NDUFAF7: variants seen among roughly 807,000 people sequenced by gnomAD.
The protein encoded by NDUFAF7 is protein arginine methyltransferase NDUFAF7, mitochondrial.
NDUFAF7 carries 48 observed loss-of-function variants against 47.2 expected under a neutral mutation model. The ratio of observed to expected loss-of-function variants is 1.02; its 90% confidence interval spans 0.81 to 1.29. The LOEUF (loss-of-function observed/expected upper bound fraction) is 1.29. NDUFAF7 is among the 50% of genes most tolerant of loss of function. NDUFAF7 has a pLI of 0.00. For missense variants in NDUFAF7, 635 were observed against 537.6 expected (o/e 1.18, Z -1.79); for synonymous variants, 217 against 190.0 (o/e 1.14, Z -1.17).
chr2:37,268,477 C>A, the NDUFAF7 span: 1 of 383,018 alleles, frequency 2.6e-6, no homozygotes, highest in South Asian at 2.0e-5. Context: ...CAAAGAAGAT[C>A]CAGACATCTC....
chr2:37,255,060 C>G (rs1667824121), downstream of NDUFAF7, among the ~76,000 whole-genome samples: 1 of 152,188 alleles, frequency 6.6e-6, no homozygotes, highest in Non-Finnish European at 1.5e-5. Flanking sequence ...TTGTACCATC[C>G]TAGTTCTATT....
chr2:37,260,865 G>A, the NDUFAF7 span, among the ~76,000 whole-genome samples: 6 of 151,702 alleles, frequency 4.0e-5, no homozygotes, highest in African/African-American at 1.5e-4. Context: ...CCTTTTTTTA[G>A]GCTCAACATC....
rs1450281013 is a variant in NDUFAF7, at chr2:37,247,682, ATTACT to A, written c.1110+57_1110+61del. The A allele has an allele frequency of 5.0e-6, 8 of 1,589,332 alleles. No individual in the cohort carries two copies. In the African/African-American group the frequency reaches 6.7e-5, roughly 13 times the overall value. On this transcript the variant is annotated intron_variant, in intron 9 of 9. Coordinates refer to ENST00000002125, the MANE Select transcript of NDUFAF7 (RefSeq NM_144736.5). ...TAAGTACTTTCATAGTATTTCAAAA[ATTACT>A]TTAAATAGTATGTTCACCTGGCCTT... is the stretch of plus-strand genomic sequence containing the variant.
chr2:37,258,141 A>G (rs1219871042), downstream of NDUFAF7, among the ~76,000 whole-genome samples: 1 of 152,226 alleles, frequency 6.6e-6, no homozygotes, highest in Non-Finnish European at 1.5e-5. Flanking sequence ...AAGCATTAAT[A>G]TAAATTGAGA....
At chr2:37,264,024 C>G in the NDUFAF7 span, among the ~76,000 whole-genome samples, 1 of 152,154 alleles carries the variant, frequency 6.6e-6, no homozygotes, top group Admixed American at 6.6e-5. Flanking sequence ...TTTTCTCCCA[C>G]TACTCTACTA....
chr2:37,242,600 G>T (rs1666468389), intron 5 of NDUFAF7, 35 bp from the exon 6 acceptor site: 3 of 1,493,674 alleles, frequency 2.0e-6, no homozygotes, highest in Non-Finnish European at 2.8e-6. Context: ...CCTGTGAAAT[G>T]TGGAAACATT....
intron 2 of NDUFAF7, among the ~76,000 whole-genome samples, chr2:37,234,247 G>A (rs970817138): frequency 6.6e-6 from 1 of 152,050 alleles, no homozygotes; most frequent in African/African-American, 2.4e-5. Context: ...ATGTTTCCAT[G>A]CCCAGCTAGG....
chr2:37,253,563 T>C (rs1056546301), downstream of NDUFAF7, among the ~76,000 whole-genome samples: 5 of 152,160 alleles, frequency 3.3e-5, no homozygotes, highest in African/African-American at 7.2e-5. Flanking sequence ...CTCCAATGAA[T>C]GAACGTAACT....
Position 37,241,714 on chromosome 2 carries a change from C to G in NDUFAF7, c.545C>G (p.Ser182Cys). The G allele has an allele frequency of 6.2e-7, 1 of 1,613,900 alleles. No individual in the cohort carries two copies. The highest frequency in any genetic ancestry group is 8.5e-7 in the Non-Finnish European group (1 of 1,179,978). Reference protein sequence around the residue: ...EKVPLERNAGSPVYMKGVTKS... With the variant: ...EKVPLERNAGCPVYMKGVTKS... ...GTCCCGTTAGAGCGAAATGCTGGAT[C>G]CCCAGTGTATATGAAAGGTGTCACT... Residue 182 changes from serine to cysteine, a missense_variant, in exon 5 of 10, where the codon TCC becomes TGC. Coordinates refer to ENST00000002125, the MANE Select transcript of NDUFAF7 (RefSeq NM_144736.5).
chr2:37,249,568 C>G (rs892344398), downstream of NDUFAF7, among the ~76,000 whole-genome samples: 2,707 of 55,956 alleles, frequency 0.048, 76 homozygotes, highest in Middle Eastern at 0.098. Flanking sequence ...GACACACACA[C>G]ACACACACAC....
At chr2:37,246,896 T>G (rs935205468) in intron 8 of NDUFAF7, among the ~76,000 whole-genome samples, 1 of 152,116 alleles carries the variant, frequency 6.6e-6, no homozygotes, top group African/African-American at 2.4e-5. Context: ...AATTTCAACT[T>G]TTATTTTAGA....
rs113814952 is a variant in NDUFAF7 at position 37,238,333 on chromosome 2, G to T, written c.408+466G>T. ...TAATCCAGCTACTCAGGAGGCTGAGGCAGGGAATCGCTTGAACCCAGGAGG... is the reference window on the plus strand; with the variant it reads ...TAATCCAGCTACTCAGGAGGCTGAGTCAGGGAATCGCTTGAACCCAGGAGG... On this transcript the variant is annotated intron_variant, in intron 4 of 9. Coordinates refer to ENST00000002125, the MANE Select transcript of NDUFAF7 (RefSeq NM_144736.5). Among the ~76,000 whole-genome samples the T allele has an allele frequency of 9.6e-3, 1,465 of 152,214 alleles. 24 individuals are homozygous for T. The highest frequency in any genetic ancestry group is 0.032 in the African/African-American group (1,322 of 41,520).
At position 37,241,796 on chromosome 2, in the gene NDUFAF7, T is replaced by C; in HGVS notation, c.622+5T>C. ...ATCTGCACGATGTTCCAAAAGGTAATTACCTTTATGTGGATTAATGAAAGA... is the reference window on the plus strand; with the variant it reads ...ATCTGCACGATGTTCCAAAAGGTAACTACCTTTATGTGGATTAATGAAAGA... On this transcript the variant is annotated splice_donor_5th_base_variant and intron_variant, in intron 5 of 9. Coordinates refer to ENST00000002125, the MANE Select transcript of NDUFAF7 (RefSeq NM_144736.5). The C allele has an allele frequency of 1.9e-6, 3 of 1,611,810 alleles. No individual in the cohort carries two copies. Among genetic ancestry groups the C allele is most frequent in the Non-Finnish European group, 2.5e-6 (3 of 1,179,276 alleles).
downstream of NDUFAF7, chr2:37,256,518 TA>T (rs377723318): frequency 9.0e-7 from 1 of 1,111,306 alleles, no homozygotes; most frequent in Non-Finnish European, 1.2e-6. Flanking sequence ...AAAAAACTGG[TA>T]ACTAGTTGAA....
chr2:37,236,034 G>T (rs776900865), intron 2 of NDUFAF7, 62 bp from the exon 3 acceptor site: 213 of 1,257,674 alleles, frequency 1.7e-4, no homozygotes, highest in Non-Finnish European at 2.3e-4. Context: ...ATTTTGGAGG[G>T]GTATTTTTAA....
chr2:37,233,329 G>A (rs527262313), intron 2 of NDUFAF7, among the ~76,000 whole-genome samples: 2 of 152,328 alleles, frequency 1.3e-5, no homozygotes, highest in South Asian at 4.1e-4. Context: ...GCAATTCGCT[G>A]TAAGAGTCTG....
intron 8 of NDUFAF7, among the ~76,000 whole-genome samples, chr2:37,246,958 T>C (rs1252005963): frequency 6.6e-6 from 1 of 152,118 alleles, no homozygotes; most frequent in East Asian, 1.9e-4. Flanking sequence ...GTATATTGCA[T>C]TGACTCTGAG....
At chr2:37,262,525 C>G in the NDUFAF7 span, among the ~76,000 whole-genome samples, 3 of 152,112 alleles carry the variant, frequency 2.0e-5, no homozygotes, top group Non-Finnish European at 2.9e-5. Context: ...AAAATGACAA[C>G]ATTTTATAGT....
chr2:37,249,207 A>C (rs1033005778), downstream of NDUFAF7: 1 of 152,196 alleles, frequency 6.6e-6, no homozygotes, highest in African/African-American at 2.4e-5. Flanking sequence ...ACTTGCATAC[A>C]AAGTAAGGAA....
Sources: allele counts gnomAD v4.1 joint callset (sites outside exome capture counted in the v4.1 genomes callset), GRCh38; gene constraint gnomAD v4.1.1; transcripts MANE v1.5; gene names NCBI Gene and HGNC (gene_info 2026-07-23, HGNC 2026-07-21).